The following OR2L13 variants were observed in gnomAD, a reference collection of about 807,000 sequenced individuals.
OR2L13 encodes olfactory receptor family 2 subfamily L member 13.
In OR2L13, 14 loss-of-function variants were observed where a neutral mutation model predicts 15.3. The observed-to-expected ratio is 0.91, with a 90% CI of 0.60 to 1.43. The LOEUF (loss-of-function observed/expected upper bound fraction) is 1.43. Among genes scored for constraint, OR2L13 ranks in the 40% most tolerant of loss-of-function variants. The pLI is 0.00. For missense variants in OR2L13, 367 were observed against 387.9 expected (o/e 0.95, Z 0.45); for synonymous variants, 152 against 142.9 (o/e 1.06, Z -0.45).
upstream of OR2L13, among the ~76,000 whole-genome samples, chr1:248,094,404 T>G (rs1664671515): frequency 6.6e-6 from 1 of 152,196 alleles, no homozygotes; most frequent in African/African-American, 2.4e-5. Context: ...CTACAGTTGA[T>G]TGAGCCCTTC....
chr1:248,082,632 T>C, the OR2L13 span, among the ~76,000 whole-genome samples: 2 of 152,252 alleles, frequency 1.3e-5, no homozygotes, highest in Admixed American at 1.3e-4. Flanking sequence ...ACCACAGCTT[T>C]CTGCCATCAT....
exon 1 of OR2L13, chr1:248,097,329 G>T (rs892091895): frequency 6.6e-6 from 1 of 152,182 alleles, no homozygotes; most frequent in Non-Finnish European, 1.5e-5. Context: ...ATAGCCACAG[G>T]AACAACATTT....
chr1:248,060,990 C>T, the OR2L13 span: 33 of 1,613,900 alleles, frequency 2.0e-5, no homozygotes, highest in Non-Finnish European at 2.5e-5. Flanking sequence ...GTTTCTTCTT[C>T]TCGGCATTAG....
the OR2L13 span, among the ~76,000 whole-genome samples, chr1:247,967,742 T>C: frequency 6.6e-6 from 1 of 152,054 alleles, no homozygotes; most frequent in Non-Finnish European, 1.5e-5. Context: ...AATATGAATC[T>C]CAAACAGCTC....
At chr1:248,057,031 A>G in the OR2L13 span, among the ~76,000 whole-genome samples, 5 of 151,982 alleles carry the variant, frequency 3.3e-5, no homozygotes, top group African/African-American at 1.2e-4. Flanking sequence ...GTTCTTTTGT[A>G]TTTGCTGAGG....
chr1:248,073,873 C>A, the OR2L13 span, among the ~76,000 whole-genome samples: 4 of 151,748 alleles, frequency 2.6e-5, no homozygotes, highest in African/African-American at 4.8e-5. Context: ...TAAATATTAA[C>A]TCTATAAAGC....
At chr1:248,039,010 C>T in the OR2L13 span, 1 of 1,614,110 alleles carries the variant, frequency 6.2e-7, no homozygotes, top group Non-Finnish European at 8.5e-7. Context: ...ACTGTAGTGT[C>T]CTTCTACTAT....
the OR2L13 span, chr1:247,965,387 G>T: frequency 1.2e-6 from 2 of 1,608,898 alleles, no homozygotes; most frequent in South Asian, 1.1e-5. Context: ...ATGAAAACAG[G>T]AAATCAAAGT....
chr1:248,084,503 T>G, the OR2L13 span: 1 of 1,612,856 alleles, frequency 6.2e-7, no homozygotes, highest in South Asian at 1.1e-5. Flanking sequence ...GTCAAAACGA[T>G]ACTCAGAACC....
the OR2L13 span, among the ~76,000 whole-genome samples, chr1:247,955,541 T>C: frequency 6.6e-6 from 1 of 152,118 alleles, no homozygotes; most frequent in Admixed American, 6.6e-5. Context: ...TCCACAATGG[T>C]TGAACTAGTT....
chr1:248,065,350 C>T, the OR2L13 span, among the ~76,000 whole-genome samples: 1 of 151,746 alleles, frequency 6.6e-6, no homozygotes, highest in Non-Finnish European at 1.5e-5. Flanking sequence ...ATTAAATTAG[C>T]AAAGTTTGAT....
chr1:247,956,785 C>G, the OR2L13 span, among the ~76,000 whole-genome samples: 5 of 152,266 alleles, frequency 3.3e-5, no homozygotes, highest in African/African-American at 4.8e-5. Flanking sequence ...GATTTTTGCA[C>G]ATTGATTTTG....
chr1:247,983,412 A>T, the OR2L13 span, among the ~76,000 whole-genome samples: 1 of 150,084 alleles, frequency 6.7e-6, no homozygotes, highest in Non-Finnish European at 1.5e-5. Context: ...TCCAGTGTAC[A>T]ACATCATTAA....
At chr1:247,999,575 C>T in the OR2L13 span, among the ~76,000 whole-genome samples, 6 of 152,138 alleles carry the variant, frequency 3.9e-5, no homozygotes, top group Admixed American at 3.9e-4. Context: ...TTACCTACAA[C>T]ATTATGTACT....
the OR2L13 span, among the ~76,000 whole-genome samples, chr1:248,052,456 C>T: frequency 6.6e-5 from 10 of 152,036 alleles, no homozygotes; most frequent in East Asian, 3.9e-4. Flanking sequence ...TGGCCTGGTG[C>T]GGTGGCTCAT....
chr1:248,009,698 T>C, the OR2L13 span, among the ~76,000 whole-genome samples: 1 of 152,072 alleles, frequency 6.6e-6, no homozygotes. Flanking sequence ...CCAAAACCTG[T>C]CAGAGACAAA....
At chr1:248,035,920 T>C in the OR2L13 span, among the ~76,000 whole-genome samples, 1 of 152,196 alleles carries the variant, frequency 6.6e-6, no homozygotes, top group Non-Finnish European at 1.5e-5. Flanking sequence ...TATACTCTTG[T>C]AAATCCTGAT....
the OR2L13 span, among the ~76,000 whole-genome samples, chr1:247,944,258 C>CTT: frequency 6.7e-6 from 1 of 150,262 alleles, no homozygotes; most frequent in African/African-American, 2.4e-5. Flanking sequence ...TCCATTGAAT[C>CTT]TTTTTTTTTG....
At chr1:247,986,379 C>T in the OR2L13 span, among the ~76,000 whole-genome samples, 91 of 152,242 alleles carry the variant, frequency 6.0e-4, no homozygotes, top group Non-Finnish European at 3.7e-4. Flanking sequence ...ATCCTTTCCC[C>T]ATTGCTTGTT....
Sources: allele counts gnomAD v4.1 joint callset (sites outside exome capture counted in the v4.1 genomes callset), GRCh38; gene constraint gnomAD v4.1.1; transcripts MANE v1.5; gene names NCBI Gene and HGNC (gene_info 2026-07-23, HGNC 2026-07-21).